Variants in XRCC4 observed in about 807,000 individuals in gnomAD.
The protein encoded by XRCC4 is DNA repair protein XRCC4.
A neutral mutation model predicts 39.1 loss-of-function variants in XRCC4; 28 were observed. The ratio of observed to expected loss-of-function variants is 0.72; its 90% CI spans 0.53 to 0.98. The LOEUF is 0.98. XRCC4 is among the 50% of genes least tolerant of loss of function. The pLI, the probability that XRCC4 is intolerant of heterozygous loss-of-function variation, is 0.00. For missense variants in XRCC4, 350 were observed against 376.4 expected (o/e 0.93, Z 0.58); for synonymous variants, 123 against 126.4 (o/e 0.97, Z 0.18).
At chr5:83,148,693 A>C (rs1748569632) in intron 3 of XRCC4, among the ~76,000 whole-genome samples, 1 of 152,162 alleles carries the variant, frequency 6.6e-6, no homozygotes, top group Non-Finnish European at 1.5e-5. Context: ...ACAATGATTA[A>C]GTGCTCAATT....
At chr5:83,300,691 A>T (rs1018762349) in intron 7 of XRCC4, among the ~76,000 whole-genome samples, 6 of 151,352 alleles carry the variant, frequency 4.0e-5, no homozygotes, top group Non-Finnish European at 7.4e-5. Context: ...TCAACCGGTC[A>T]TCTACATTAG....
intron 6 of XRCC4, among the ~76,000 whole-genome samples, chr5:83,247,283 A>C (rs1349096003): frequency 6.6e-6 from 1 of 152,168 alleles, no homozygotes; most frequent in Non-Finnish European, 1.5e-5. Context: ...ATCTTACAGC[A>C]GGGGTCCTCA....
intron 3 of XRCC4, among the ~76,000 whole-genome samples, chr5:83,135,638 G>C (rs1000899972): frequency 1.3e-5 from 2 of 151,804 alleles, no homozygotes; most frequent in Non-Finnish European, 2.9e-5. Context: ...TTTGCTTCCT[G>C]TGTTTTGTTT....
At chr5:83,193,831 C>T (rs1005999735) in intron 3 of XRCC4, among the ~76,000 whole-genome samples, 4 of 152,066 alleles carry the variant, frequency 2.6e-5, no homozygotes, top group African/African-American at 9.7e-5. Flanking sequence ...GCTATTGTAA[C>T]CTATTGTCTA....
intron 6 of XRCC4, among the ~76,000 whole-genome samples, chr5:83,230,091 A>C (rs137882047): frequency 6.3e-4 from 96 of 152,058 alleles, no homozygotes; most frequent in African/African-American, 2.2e-3. Context: ...CTTCCATAGT[A>C]ACATTTGCAG....
At chr5:83,233,817 G>A (rs764503492) in intron 6 of XRCC4, among the ~76,000 whole-genome samples, 35 of 148,958 alleles carry the variant, frequency 2.3e-4, no homozygotes, top group Non-Finnish European at 4.7e-4. Context: ...CAGAAGAATC[G>A]CTTGAACCTG....
chr5:83,362,617 T>C, the XRCC4 span, among the ~76,000 whole-genome samples: 12 of 151,886 alleles, frequency 7.9e-5, no homozygotes, highest in Non-Finnish European at 1.5e-4. Context: ...AGGAATTTTA[T>C]ACCAAATACT....
chr5:83,183,452 GT>G (rs1360170391), intron 3 of XRCC4, among the ~76,000 whole-genome samples: 3 of 139,204 alleles, frequency 2.2e-5, no homozygotes, highest in African/African-American at 8.1e-5. Flanking sequence ...GTGTGTGTGT[GT>G]GGCACATCAA....
At chr5:83,325,079 G>GTA (rs1275399661) in intron 7 of XRCC4, among the ~76,000 whole-genome samples, 1 of 151,964 alleles carries the variant, frequency 6.6e-6, no homozygotes, top group Non-Finnish European at 1.5e-5. Flanking sequence ...TTATTCCCTA[G>GTA]TATGAGCTTT....
intron 3 of XRCC4, among the ~76,000 whole-genome samples, chr5:83,143,372 C>G (rs543460918): frequency 6.6e-6 from 1 of 152,148 alleles, no homozygotes; most frequent in Admixed American, 6.5e-5. Context: ...GCAAGTTCAC[C>G]CACTTTGATC....
chr5:83,329,582 G>T (rs79602373), intron 7 of XRCC4, among the ~76,000 whole-genome samples: 2,237 of 152,150 alleles, frequency 0.015, 55 homozygotes, highest in African/African-American at 0.051. Flanking sequence ...CTTTTCAGTA[G>T]AAAAGCATGG....
chr5:83,341,625 T>G (rs961886023), intron 7 of XRCC4, among the ~76,000 whole-genome samples: 1 of 152,020 alleles, frequency 6.6e-6, no homozygotes, highest in Non-Finnish European at 1.5e-5. Flanking sequence ...AAAAACATCC[T>G]CTGGAGTAGA....
At chr5:83,230,552 T>G (rs1373637760) in intron 6 of XRCC4, among the ~76,000 whole-genome samples, 1 of 152,060 alleles carries the variant, frequency 6.6e-6, no homozygotes, top group Admixed American at 6.6e-5. Context: ...AGTCTTTCTT[T>G]TATGCTTTTT....
At chr5:83,308,408 A>G (rs555767130) in intron 7 of XRCC4, among the ~76,000 whole-genome samples, 3 of 152,190 alleles carry the variant, frequency 2.0e-5, no homozygotes, top group Non-Finnish European at 2.9e-5. Context: ...AGTTAATAAC[A>G]TATTATAAAA....
chr5:83,331,690 G>A (rs1448240814), intron 7 of XRCC4, among the ~76,000 whole-genome samples: 1 of 151,896 alleles, frequency 6.6e-6, no homozygotes, highest in Non-Finnish European at 1.5e-5. Flanking sequence ...AAAGTTGTGT[G>A]GTCACTAAAC....
intron 6 of XRCC4, among the ~76,000 whole-genome samples, chr5:83,231,440 G>A (rs572683773): frequency 3.9e-5 from 6 of 152,070 alleles, no homozygotes; most frequent in Non-Finnish European, 8.8e-5. Context: ...TTTAATGTTT[G>A]TTTATCAAGT....
At chr5:83,133,695 G>C (rs1029530329) in intron 3 of XRCC4, among the ~76,000 whole-genome samples, 8 of 152,136 alleles carry the variant, frequency 5.3e-5, no homozygotes, top group Non-Finnish European at 1.0e-4. Flanking sequence ...AGCCAGGCGT[G>C]GGATATAATC....
At chr5:83,242,749 C>T (rs569810248) in intron 6 of XRCC4, among the ~76,000 whole-genome samples, 41 of 152,328 alleles carry the variant, frequency 2.7e-4, no homozygotes, top group African/African-American at 9.9e-4. Flanking sequence ...CCTTAGCAAT[C>T]CCATCCAAAA....
At chr5:83,237,655 A>G (rs1268095345) in intron 6 of XRCC4, among the ~76,000 whole-genome samples, 2 of 152,112 alleles carry the variant, frequency 1.3e-5, no homozygotes, top group Non-Finnish European at 2.9e-5. Flanking sequence ...AATAAAATCT[A>G]ATGTTCAGTA....
Sources: allele counts gnomAD v4.1 joint callset (sites outside exome capture counted in the v4.1 genomes callset), GRCh38; gene constraint gnomAD v4.1.1; transcripts MANE v1.5; gene names NCBI Gene and HGNC (gene_info 2026-07-23, HGNC 2026-07-21).